The following CDKL5 variants were observed in gnomAD, a reference collection of about 807,000 sequenced individuals.
CDKL5 encodes cyclin dependent kinase like 5.
CDKL5 carries 8 observed loss-of-function variants against 61.7 expected under a neutral mutation model. The observed-to-expected ratio is 0.13, with a 90% CI of 0.08 to 0.23. The LOEUF is 0.23. Among genes scored for constraint, CDKL5 ranks in the 10% least tolerant of loss-of-function variants. The pLI, the probability that CDKL5 is intolerant of heterozygous loss-of-function variation, is 1.00. For missense variants in CDKL5, 440 were observed against 734.5 expected, an observed-to-expected ratio of 0.60 and a Z score of 4.63; for synonymous variants, 275 against 272.3, an observed-to-expected ratio of 1.01 and a Z score of -0.10.
intron 1 of CDKL5, among the ~76,000 whole-genome samples, chrX:18,453,670 A>ATT (rs757375956): frequency 2.7e-5 from 3 of 111,632 alleles, no homozygotes; most frequent in African/African-American, 6.5e-5. Context: ...GGGTAACTGA[A>ATT]TTTTTGTTAA....
At chrX:18,598,184 AATG>A (rs1436259172) in intron 10 of CDKL5, among the ~76,000 whole-genome samples, 3 of 111,518 alleles carry the variant, frequency 2.7e-5, no homozygotes, top group South Asian at 3.8e-4. Context: ...GATTTTGATT[AATG>A]ATAAGTGCAG....
At chrX:18,597,148 C>T (rs192582864) in intron 10 of CDKL5, among the ~76,000 whole-genome samples, 112 of 110,651 alleles carry the variant, frequency 1.0e-3, no homozygotes, top group African/African-American at 3.4e-3. Context: ...AAACCAGTTC[C>T]GACTTCTGTC....
chrX:18,609,385 C>T (rs1926468108), intron 13 of CDKL5, 80 bp from the exon 14 acceptor site: 1 of 1,205,008 alleles, frequency 8.3e-7, no homozygotes, highest in Non-Finnish European at 1.1e-6. Context: ...TAGAGTGAGA[C>T]CCTGTCTCAA....
intron 1 of CDKL5, among the ~76,000 whole-genome samples, chrX:18,427,092 A>T (rs185998934): frequency 3.6e-5 from 4 of 111,630 alleles, no homozygotes; most frequent in South Asian, 3.7e-4. Context: ...ATAGATTTTT[A>T]AAAAAGGCGT....
At position 18,527,006 on chromosome X, in the gene CDKL5, C is replaced by T. The variant is rs897063748; in HGVS notation, c.99+16152C>T. On this transcript the variant is annotated intron_variant, in intron 3 of 17. Coordinates refer to ENST00000623535, the MANE Select transcript of CDKL5 (RefSeq NM_001323289.2). ...CCAAGTTGGTCAGGCTGGTCTCGAA[C>T]TCCCGACCTCAGGTGATCCGCCCGC... 7.2e-5 allele frequency among the ~76,000 whole-genome samples: 8 copies of T among 111,375 alleles called. 1 individual carries two copies. The highest frequency in any genetic ancestry group is 1.3e-4 in the Non-Finnish European group (7 of 53,007).
intron 14 of CDKL5, among the ~76,000 whole-genome samples, chrX:18,612,306 A>C (rs1223628179): frequency 9.0e-6 from 1 of 111,723 alleles, no homozygotes; most frequent in Non-Finnish European, 1.9e-5. Flanking sequence ...TATGATAAGA[A>C]AGCTTTAACT....
In CDKL5 at chrX:18,634,318, G is replaced by T. The variant is rs1927320808; in HGVS notation, c.*5561G>T. 5.3e-6 allele frequency: 4 copies of T among 751,920 alleles called. No homozygotes were observed. The highest frequency in any genetic ancestry group is 7.6e-4 in the Middle Eastern group (1 of 1,321). The allele number at this position is 751,920 out of a possible 1,213,427, so 62.0% of individuals were successfully genotyped here. On this transcript the variant is annotated 3_prime_UTR_variant, in exon 18 of 18. Coordinates refer to ENST00000623535, the MANE Select transcript of CDKL5 (RefSeq NM_001323289.2). ...AAAAGTCTGATCTGATTTCTTTCAG[G>T]GGTAGACAAGCTTGTCCTAGTGCTC...
intron 3 of CDKL5, among the ~76,000 whole-genome samples, chrX:18,537,469 A>G (rs1248226623): frequency 8.9e-6 from 1 of 112,161 alleles, no homozygotes; most frequent in Non-Finnish European, 1.9e-5. Flanking sequence ...TAACTAGAAA[A>G]TGGACATTGA....
chrX:18,483,511 G>A (rs1175583768), intron 1 of CDKL5, among the ~76,000 whole-genome samples: 3 of 110,321 alleles, frequency 2.7e-5, no homozygotes, highest in South Asian at 4.0e-4. Context: ...TCTGCCTCCC[G>A]GGTTCAAGCA....
chrX:18,602,952 A>G (rs1263091698), intron 11 of CDKL5, among the ~76,000 whole-genome samples: 1 of 112,128 alleles, frequency 8.9e-6, no homozygotes, highest in Non-Finnish European at 1.9e-5. Context: ...CCAAACTACA[A>G]TTAGATCCTT....
At chrX:18,554,503 C>T (rs1963188624) in intron 3 of CDKL5, among the ~76,000 whole-genome samples, 1 of 105,230 alleles carries the variant, frequency 9.5e-6, no homozygotes, top group Non-Finnish European at 1.9e-5. Flanking sequence ...GCAACCTCCA[C>T]CTTGCGGGTT....
chrX:18,632,263 G>A lies in CDKL5; in HGVS notation c.*3506G>A. 4.0e-6 allele frequency: 3 copies of A among 754,228 alleles called. No homozygotes were observed. The highest frequency in any genetic ancestry group is 2.3e-5 in the African/African-American group (1 of 43,846). 62.2% of individuals were successfully genotyped at this position (754,228 alleles called of 1,213,427 possible). A position where few individuals can be genotyped will look rare whatever the true frequency, so the allele number is the denominator to read the frequency against. ...TGGAATCCTATTGTTCGTTTCCATTGTCTTGGGCCTGCTAAAAGGTGCATA... is the reference window on the plus strand; with the variant it reads ...TGGAATCCTATTGTTCGTTTCCATTATCTTGGGCCTGCTAAAAGGTGCATA... On this transcript the variant is annotated 3_prime_UTR_variant, in exon 18 of 18. Coordinates refer to ENST00000623535, the MANE Select transcript of CDKL5 (RefSeq NM_001323289.2).
intron 3 of CDKL5, among the ~76,000 whole-genome samples, chrX:18,558,922 G>A (rs1166796283): frequency 8.9e-6 from 1 of 112,523 alleles, no homozygotes; most frequent in Non-Finnish European, 1.9e-5. Flanking sequence ...GCAAAGTGTG[G>A]TGAAGGTAAA....
intron 1 of CDKL5, among the ~76,000 whole-genome samples, chrX:18,452,745 C>G (rs981840151): frequency 5.7e-5 from 6 of 104,446 alleles, no homozygotes; most frequent in African/African-American, 1.8e-4. Flanking sequence ...CATGAAAGCA[C>G]TTTGAAAATG....
intron 16 of CDKL5, 131 bp downstream of exon 16, chrX:18,620,097 TGTC>T (rs1926845064): frequency 2.2e-6 from 1 of 450,157 alleles, no homozygotes; most frequent in Non-Finnish European, 3.9e-6. Context: ...CACTGTATTA[TGTC>T]TCTTTCTGAA....
At chrX:18,441,828 T>A (rs1420390976) in intron 1 of CDKL5, among the ~76,000 whole-genome samples, 2 of 111,364 alleles carry the variant, frequency 1.8e-5, no homozygotes, top group Non-Finnish European at 3.8e-5. Flanking sequence ...AGTGATATTC[T>A]GCTCTTACTG....
rs1927236074 is a variant in CDKL5, at chrX:18,631,525, GCCAT to G, written c.*2773_*2776del. ...AAAAATTACTGACATCACAAAGATT[GCCAT>G]CCATGGTAGAAAGGACTTGATTTAA... is the stretch of plus-strand genomic sequence containing the variant. On this transcript the variant is annotated 3_prime_UTR_variant, in exon 18 of 18. Transcript: ENST00000623535. 13 of 754,265 alleles carry G rather than the reference GCCAT, an allele frequency of 1.7e-5. No individual in the cohort carries two copies. The highest frequency in any genetic ancestry group is 2.0e-5 in the Non-Finnish European group (13 of 639,287). The allele number at this position is 754,265 out of a possible 1,213,427, so 62.2% of individuals were successfully genotyped here. A position where few individuals can be genotyped will look rare whatever the true frequency, so the allele number is the denominator to read the frequency against.
At chrX:18,595,504 C>A in intron 10 of CDKL5, 76 bp downstream of exon 10, 1 of 659,795 alleles carries the variant, frequency 1.5e-6, no homozygotes, top group Non-Finnish European at 2.5e-6. Flanking sequence ...GTGACCATAG[C>A]CTGCTTTTAT....
chrX:18,599,299 C>G (rs922449798), intron 11 of CDKL5, among the ~76,000 whole-genome samples: 13 of 111,954 alleles, frequency 1.2e-4, no homozygotes, highest in Non-Finnish European at 2.1e-4. Context: ...GTTGCATGTC[C>G]AAGAGGACAG....
Sources: gnomAD v4.1 joint callset for allele counts (sites outside exome capture counted in the v4.1 genomes callset) on GRCh38, gnomAD v4.1.1 for gene constraint, MANE v1.5 for transcripts, NCBI Gene and HGNC (gene_info 2026-07-23, HGNC 2026-07-21) for gene names.